The following PCDH9 variants were observed in gnomAD, a reference collection of about 807,000 sequenced individuals.
PCDH9 encodes the protein protocadherin 9, also known as protocadherin-9.
Under a neutral mutation model 70.6 loss-of-function variants are expected in PCDH9, and 24 were observed. That is an observed-to-expected ratio of 0.34 (90% confidence interval 0.25 to 0.48). The LOEUF is 0.48. Among genes scored for constraint, PCDH9 ranks in the 20% least tolerant of loss-of-function variants. The pLI, the probability that PCDH9 is intolerant of heterozygous loss-of-function variation, is 0.99. For synonymous variants in PCDH9, 562 were observed against 558.5 expected (o/e 1.01, Z -0.09); for missense variants, 1,281 against 1,503.6 (o/e 0.85, Z 2.45).
chr13:67,014,544 A>G (rs528983018), intron 2 of PCDH9, among the ~76,000 whole-genome samples: 2 of 152,208 alleles, frequency 1.3e-5, no homozygotes, highest in African/African-American at 4.8e-5. Context: ...AATCATATCT[A>G]CTTGGCTTCC....
At chr13:66,739,486 T>C (rs1208098061) in intron 3 of PCDH9, among the ~76,000 whole-genome samples, 1 of 147,708 alleles carries the variant, frequency 6.8e-6, no homozygotes. Context: ...AATTCACACA[T>C]AACAATATTA....
At chr13:66,972,000 T>A (rs1035347588) in intron 2 of PCDH9, among the ~76,000 whole-genome samples, 6 of 151,908 alleles carry the variant, frequency 3.9e-5, no homozygotes, top group African/African-American at 1.2e-4. Flanking sequence ...AATGTTGGTT[T>A]AGGTATATAA....
chr13:66,791,351 T>TA (rs950484969), intron 3 of PCDH9, among the ~76,000 whole-genome samples: 7 of 152,054 alleles, frequency 4.6e-5, no homozygotes, highest in South Asian at 2.1e-4. Flanking sequence ...GAGTACATGT[T>TA]AAAAAAGGGA....
intron 4 of PCDH9, among the ~76,000 whole-genome samples, chr13:66,334,168 A>G (rs1036258437): frequency 6.6e-6 from 1 of 152,014 alleles, no homozygotes; most frequent in African/African-American, 2.4e-5. Flanking sequence ...TTAACCCATT[A>G]ACCAACCTCT....
intron 3 of PCDH9, among the ~76,000 whole-genome samples, chr13:66,822,735 C>G (rs1223222432): frequency 6.6e-6 from 1 of 151,722 alleles, no homozygotes; most frequent in Non-Finnish European, 1.5e-5. Flanking sequence ...CATGTTGGCC[C>G]CTGACCTAAA....
At chr13:67,147,971 A>T (rs570062716) in intron 2 of PCDH9, among the ~76,000 whole-genome samples, 11 of 152,274 alleles carry the variant, frequency 7.2e-5, no homozygotes, top group African/African-American at 2.6e-4. Flanking sequence ...CCTTTTCAAA[A>T]GTGTAATATA....
At chr13:66,461,546 T>A (rs1958425581) in intron 4 of PCDH9, among the ~76,000 whole-genome samples, 2 of 150,562 alleles carry the variant, frequency 1.3e-5, no homozygotes, top group African/African-American at 4.9e-5. Flanking sequence ...TTATCAACTC[T>A]GCAAAAAAAA....
At chr13:66,496,586 T>C (rs1959121591) in intron 4 of PCDH9, among the ~76,000 whole-genome samples, 1 of 152,192 alleles carries the variant, frequency 6.6e-6, no homozygotes, top group African/African-American at 2.4e-5. Flanking sequence ...TTACCTGTTA[T>C]AAACATCTGT....
At chr13:66,439,630 A>G (rs1158394729) in intron 4 of PCDH9, among the ~76,000 whole-genome samples, 1 of 152,142 alleles carries the variant, frequency 6.6e-6, no homozygotes, top group African/African-American at 2.4e-5. Flanking sequence ...GGTAGCTGCC[A>G]CAGTTTGTTT....
chr13:66,384,908 ATCCGCCTGCCTCGGTC>A (rs1956904673), intron 4 of PCDH9, among the ~76,000 whole-genome samples: 1 of 152,034 alleles, frequency 6.6e-6, no homozygotes, highest in African/African-American at 2.4e-5. Context: ...ACCTCAAGTG[ATCCGCCTGCCTCGGTC>A]TCCCAAAGTG....
intron 4 of PCDH9, among the ~76,000 whole-genome samples, chr13:66,445,811 T>C (rs981909223): frequency 9.5e-6 from 1 of 105,262 alleles, no homozygotes; most frequent in South Asian, 3.0e-4. Flanking sequence ...ACATATATTA[T>C]ATATACACAT....
chr13:66,478,661 C>A (rs771132714), intron 4 of PCDH9, among the ~76,000 whole-genome samples: 1 of 152,162 alleles, frequency 6.6e-6, no homozygotes, highest in Non-Finnish European at 1.5e-5. Context: ...AAAACCTAAT[C>A]TAGAGCAAAG....
At chr13:66,713,598 G>A (rs1376715033) in intron 3 of PCDH9, among the ~76,000 whole-genome samples, 2 of 119,846 alleles carry the variant, frequency 1.7e-5, no homozygotes, top group African/African-American at 3.1e-5. Context: ...TTGTGTTTGT[G>A]TATATATATA....
chr13:67,033,117 G>T (rs2084939301), intron 2 of PCDH9, among the ~76,000 whole-genome samples: 1 of 151,936 alleles, frequency 6.6e-6, no homozygotes, highest in South Asian at 2.1e-4. Flanking sequence ...CAGACAAGGA[G>T]GCCATAAACA....
intron 4 of PCDH9, among the ~76,000 whole-genome samples, chr13:66,602,626 A>G (rs2077177216): frequency 6.9e-6 from 1 of 145,836 alleles, no homozygotes; most frequent in African/African-American, 2.5e-5. Flanking sequence ...TTAAAAGTAA[A>G]AGTAAGCTAA....
At chr13:66,491,755 T>C (rs1959037692) in intron 4 of PCDH9, among the ~76,000 whole-genome samples, 1 of 152,180 alleles carries the variant, frequency 6.6e-6, no homozygotes, top group African/African-American at 2.4e-5. Context: ...GGTAAGTTTT[T>C]AATGCAGGTT....
At chr13:66,956,708 C>A (rs1423737833) in intron 2 of PCDH9, among the ~76,000 whole-genome samples, 1 of 152,168 alleles carries the variant, frequency 6.6e-6, no homozygotes, top group Non-Finnish European at 1.5e-5. Context: ...TGAGATGGCA[C>A]CACTGCACTC....
intron 2 of PCDH9, among the ~76,000 whole-genome samples, chr13:67,092,124 T>C (rs2086229972): frequency 6.6e-6 from 1 of 152,184 alleles, no homozygotes; most frequent in African/African-American, 2.4e-5. Context: ...TATTTTCATT[T>C]TGATCTTACC....
chr13:66,817,017 T>G (rs2080619555), intron 3 of PCDH9, among the ~76,000 whole-genome samples: 1 of 151,024 alleles, frequency 6.6e-6, no homozygotes, highest in Admixed American at 6.6e-5. Flanking sequence ...AAAACACCAT[T>G]AAAAAATACA....
Sources: allele counts gnomAD v4.1 joint callset (sites outside exome capture counted in the v4.1 genomes callset), GRCh38; gene constraint gnomAD v4.1.1; transcripts MANE v1.5; gene names NCBI Gene and HGNC (gene_info 2026-07-23, HGNC 2026-07-21).